Variants in DCAF5 observed in about 807,000 individuals in gnomAD.
DCAF5 encodes the protein DDB1- and CUL4-associated factor 5.
DCAF5 carries 9 observed loss-of-function variants against 80.7 expected under a neutral mutation model. The observed-to-expected ratio is 0.11, with a 90% CI of 0.07 to 0.19. The LOEUF (loss-of-function observed/expected upper bound fraction) is 0.19. DCAF5 is among the 10% of genes least tolerant of loss of function. The pLI is 1.00. For missense variants in DCAF5, 842 were observed against 1,205.7 expected (o/e 0.70, Z 4.47); for synonymous variants, 433 against 461.9 (o/e 0.94, Z 0.80).
intron 1 of DCAF5, among the ~76,000 whole-genome samples, chr14:69,126,093 A>G (rs1261952725): frequency 6.6e-6 from 1 of 152,128 alleles, no homozygotes. Context: ...CAAGATCTAC[A>G]TAAGAAAAAT....
chr14:69,091,854 G>A lies in DCAF5; in HGVS notation c.699C>T (p.Leu233=), dbSNP rs779119029. 6 of 1,613,828 alleles carry A rather than the reference G, an allele frequency of 3.7e-6. No homozygotes were observed. The highest frequency in any genetic ancestry group is 1.3e-5 in the African/African-American group (1 of 74,930). ...TGAATCGTACACTCATGGCACTTTG[G>A]AGGGACAGGTTTCCACCATAGCGCA... is the stretch of plus-strand genomic sequence containing the variant. The part of the protein sequence containing the change: ...SLLRYGGNLS[L]QSAMSVRFNS... Residue 233 remains leucine (L), a synonymous_variant, in exon 6 of 9, where the codon CTC becomes CTT. Coordinates refer to ENST00000341516, the MANE Select transcript of DCAF5 (RefSeq NM_003861.3).
chr14:69,066,514 G>C (rs1299785689), intron 7 of DCAF5, among the ~76,000 whole-genome samples: 1 of 152,174 alleles, frequency 6.6e-6, no homozygotes, highest in Admixed American at 6.5e-5. Flanking sequence ...ATTTAGAAGA[G>C]ATGGTAGGGG....
At chr14:69,078,266 GC>G (rs1165281154) in intron 6 of DCAF5, among the ~76,000 whole-genome samples, 1 of 152,134 alleles carries the variant, frequency 6.6e-6, no homozygotes, top group Non-Finnish European at 1.5e-5. Flanking sequence ...TATACAAATG[GC>G]CACTAAGCAC....
chr14:69,097,238 G>C (rs2039752654), intron 5 of DCAF5, among the ~76,000 whole-genome samples: 1 of 152,190 alleles, frequency 6.6e-6, no homozygotes, highest in Non-Finnish European at 1.5e-5. Context: ...GAAAGGTCAA[G>C]GAAAGAATCC....
chr14:69,098,668 G>T (rs559788272), intron 5 of DCAF5, among the ~76,000 whole-genome samples: 1 of 149,748 alleles, frequency 6.7e-6, no homozygotes, highest in Non-Finnish European at 1.5e-5. Flanking sequence ...CGGATCACGA[G>T]GTCAGGAGAT....
At chr14:69,069,958 T>G (rs562841626) in intron 7 of DCAF5, among the ~76,000 whole-genome samples, 1 of 152,162 alleles carries the variant, frequency 6.6e-6, no homozygotes, top group Non-Finnish European at 1.5e-5. Context: ...AGTCGTTGAG[T>G]AGCTACTAAG....
rs770265811 is a variant in DCAF5, at chr14:69,054,110, T to C, written c.2576A>G (p.Tyr859Cys). 8 of 1,613,818 alleles carry C rather than the reference T, an allele frequency of 5.0e-6. No homozygotes were observed. The highest frequency in any genetic ancestry group is 4.5e-5 in the East Asian group (2 of 44,846). ...QNLGELEVVA[Y>C]SSPGHSDTDR... is the part of the protein sequence containing the mutation. Reference sequence around the variant, plus strand: ...AGTGTCTGAGTGTCCTGGGGAAGAGTAGGCCACCACCTCCAGCTCCCCCAA... The same window carrying C: ...AGTGTCTGAGTGTCCTGGGGAAGAGCAGGCCACCACCTCCAGCTCCCCCAA... The change falls in exon 9 of 9, where the codon TAC becomes TGC. Residue 859 changes from tyrosine (Y) to cysteine (C), a missense_variant. By Grantham distance (194) the Tyr-to-Cys change is radical. This residue lies in a region of DCAF5 where 607 missense variants were observed against 656.6 expected (regional missense o/e 0.92). Transcript: ENST00000341516.
chr14:69,137,965 T>A (rs986429377), intron 1 of DCAF5, among the ~76,000 whole-genome samples: 10 of 152,198 alleles, frequency 6.6e-5, no homozygotes, highest in Middle Eastern at 3.2e-3. Context: ...TTCAGTACCA[T>A]CTGCAGTTGC....
At chr14:69,097,595 T>A (rs1437558674) in intron 5 of DCAF5, among the ~76,000 whole-genome samples, 1 of 148,332 alleles carries the variant, frequency 6.7e-6, no homozygotes, top group African/African-American at 2.5e-5. Flanking sequence ...TTTTTTTTTT[T>A]TTTTTTTTTG....
At chr14:69,081,185 C>A (rs1257406536) in intron 6 of DCAF5, among the ~76,000 whole-genome samples, 51 of 152,158 alleles carry the variant, frequency 3.4e-4, no homozygotes, top group Non-Finnish European at 1.5e-5. Context: ...ATACTTCATT[C>A]TTTCTAGATA....
intron 1 of DCAF5, among the ~76,000 whole-genome samples, chr14:69,132,527 T>C (rs981727081): frequency 5.9e-5 from 9 of 152,186 alleles, no homozygotes; most frequent in Non-Finnish European, 1.2e-4. Context: ...CAAAAGAGTT[T>C]TCTGTAGTTC....
At chr14:69,084,702 A>G (rs1269133838) in intron 6 of DCAF5, 5 of 1,286,262 alleles carry the variant, frequency 3.9e-6, no homozygotes, top group Non-Finnish European at 5.5e-6. Context: ...AAATACCACT[A>G]TGAGTTGCTG....
chr14:69,064,626 G>A (rs1298139456), intron 7 of DCAF5, among the ~76,000 whole-genome samples: 1 of 152,196 alleles, frequency 6.6e-6, no homozygotes, highest in Non-Finnish European at 1.5e-5. Flanking sequence ...AATCTTTCAG[G>A]CAGTTATTAG....
chr14:69,071,208 C>A (rs934901646), intron 7 of DCAF5, among the ~76,000 whole-genome samples: 1 of 152,150 alleles, frequency 6.6e-6, no homozygotes, highest in African/African-American at 2.4e-5. Flanking sequence ...GGTCTTACAT[C>A]TTGAAATGAT....
At chr14:69,151,647 A>G (rs1481551444) in intron 1 of DCAF5, among the ~76,000 whole-genome samples, 2 of 151,918 alleles carry the variant, frequency 1.3e-5, no homozygotes, top group Non-Finnish European at 2.9e-5. Context: ...GCCCTCACGT[A>G]GGCCCATTCC....
intron 7 of DCAF5, among the ~76,000 whole-genome samples, chr14:69,069,159 G>A (rs2038584553): frequency 6.6e-6 from 1 of 152,192 alleles, no homozygotes; most frequent in South Asian, 2.1e-4. Flanking sequence ...TCTAGAAAAA[G>A]AAGACAGAGC....
At chr14:69,084,446 C>T (rs140051191) in intron 6 of DCAF5, 15 of 838,838 alleles carry the variant, frequency 1.8e-5, no homozygotes, top group African/African-American at 8.3e-5. Flanking sequence ...TTTGCCAACA[C>T]GTAGACAGAC....
At chr14:69,148,102 CAAAAAAA>C (rs71446373) in intron 1 of DCAF5, among the ~76,000 whole-genome samples, 1 of 91,640 alleles carries the variant, frequency 1.1e-5, no homozygotes, top group Non-Finnish European at 2.4e-5. Flanking sequence ...ATTTTCTTCG[CAAAAAAA>C]AAAAAAAAAA....
intron 1 of DCAF5, among the ~76,000 whole-genome samples, chr14:69,130,444 A>C (rs1646895295): frequency 6.6e-6 from 1 of 152,224 alleles, no homozygotes; most frequent in African/African-American, 2.4e-5. Flanking sequence ...ATGGCGAGTC[A>C]TAGTTTAATG....
Sources: gnomAD v4.1 joint callset for allele counts (sites outside exome capture counted in the v4.1 genomes callset) on GRCh38, gnomAD v4.1.1 for gene constraint, gnomAD v4.1.1 regional missense constraint, MANE v1.5 for transcripts, NCBI Gene and HGNC (gene_info 2026-07-23, HGNC 2026-07-21) for gene names.